SRR: variants seen among roughly 807,000 people sequenced by gnomAD.
The protein encoded by SRR is serine racemase, also known as D-serine ammonia-lyase.
Under a neutral mutation model 32.7 loss-of-function variants are expected in SRR, and 19 were observed. The observed-to-expected ratio is 0.58, with a 90% CI of 0.40 to 0.85. The LOEUF is 0.85. Among genes scored for constraint, SRR ranks in the 40% least tolerant of loss-of-function variants. The pLI is 0.00. For missense variants in SRR, 373 were observed against 404.7 expected (o/e 0.92, Z 0.67); for synonymous variants, 142 against 140.9 (o/e 1.01, Z -0.06).
intron 1 of SRR, among the ~76,000 whole-genome samples, chr17:2,313,187 T>G (rs1438085444): frequency 6.6e-6 from 1 of 152,100 alleles, no homozygotes; most frequent in Non-Finnish European, 1.5e-5. Flanking sequence ...CCCAGCACTT[T>G]GGGAGGCTGA....
rs765987632 is a variant in SRR at position 2,311,191 on chromosome 17, C to T, written c.-4-4366C>T. On this transcript the variant is annotated intron_variant, in intron 1 of 7. Transcript: ENST00000344595. The stretch of plus-strand genomic sequence containing the variant: ...GGCAAGAGCCACCACGCCCAGCCAA[C>T]TATTTTTTGTTCTCTTGTTTTTTTG... 8.9e-4 allele frequency among the ~76,000 whole-genome samples: 135 copies of T among 152,114 alleles called. 1 individual carries two copies. The highest frequency in any genetic ancestry group is 5.7e-4 in the Non-Finnish European group (39 of 67,982).
At chr17:2,311,343 T>C (rs566263885) in intron 1 of SRR, among the ~76,000 whole-genome samples, 12 of 151,936 alleles carry the variant, frequency 7.9e-5, no homozygotes, top group Non-Finnish European at 1.8e-4. Flanking sequence ...TTAAAAAATA[T>C]TGAGTTTTCG....
chr17:2,310,027 TG>T (rs2075422375), intron 1 of SRR: 3 of 152,204 alleles, frequency 2.0e-5, no homozygotes, highest in Admixed American at 2.0e-4. Flanking sequence ...GTCAAATCTC[TG>T]GTTCCAGTAG....
chr17:2,323,541 G>T (rs1212108910), intron 7 of SRR, 114 bp from the exon 8 acceptor site: 1 of 1,236,046 alleles, frequency 8.1e-7, no homozygotes. Context: ...TTTGGGAAGC[G>T]TGTGTACACA....
At chr17:2,314,111 G>A (rs977384080) in intron 1 of SRR, among the ~76,000 whole-genome samples, 4 of 152,152 alleles carry the variant, frequency 2.6e-5, no homozygotes, top group Non-Finnish European at 5.9e-5. Context: ...TCAAATGTAG[G>A]AGCAAATAAA....
At position 2,317,206 on chromosome 17, in the gene SRR, G is replaced by GA. The variant is rs1567777254; in HGVS notation, c.169-664_169-663insA. 2.4e-3 allele frequency among the ~76,000 whole-genome samples: 271 copies of GA among 111,804 alleles called. 1 individual carries two copies. Among genetic ancestry groups the GA allele is most frequent in the African/African-American group, 7.0e-3 (194 of 27,734 alleles). 73.3% of individuals were successfully genotyped at this position (111,804 alleles called of 152,430 possible). The stretch of plus-strand genomic sequence containing the variant: ...TGATAGAGGAAGACTCCATCTCGGG[G>GA]GAAAAAAAAAAAAAAAAAAAAAAGG... On this transcript the variant is annotated intron_variant, in intron 2 of 7. Transcript: ENST00000344595.
At chr17:2,308,845 G>T (rs2075413359) in intron 1 of SRR, among the ~76,000 whole-genome samples, 1 of 151,830 alleles carries the variant, frequency 6.6e-6, no homozygotes, top group African/African-American at 2.4e-5. Flanking sequence ...TTGGCCGGGT[G>T]TGGTGGCTCA....
Position 2,324,469 on chromosome 17 carries a change from A to C in SRR, c.*596A>C. 1 of 1,614,038 alleles carries C rather than the reference A, an allele frequency of 6.2e-7. No individual in the cohort carries two copies. ...ACAGTCATTTAGCAACACTGCAGAA[A>C]TGCAGACATGGTCTCAAATCCCGTG... On this transcript the variant is annotated 3_prime_UTR_variant, in exon 8 of 8. Transcript: ENST00000344595.
chr17:2,320,251 CTTTTTTTTTTTTTTT>C (rs35025479), intron 4 of SRR, among the ~76,000 whole-genome samples: 3 of 76,740 alleles, frequency 3.9e-5, no homozygotes, highest in African/African-American at 1.1e-4. Flanking sequence ...CATCTCTCAT[CTTTTTTTTTTTTTTT>C]TTTTTTTTTT....
At chr17:2,318,952 C>T (rs2151435062) in intron 4 of SRR, 23 bp downstream of exon 4, 5 of 1,511,108 alleles carry the variant, frequency 3.3e-6, no homozygotes, top group Non-Finnish European at 4.6e-6. Context: ...GTGCTTGGTA[C>T]CACCTTAACA....
intron 1 of SRR, among the ~76,000 whole-genome samples, chr17:2,304,617 G>A (rs986922180): frequency 1.5e-4 from 22 of 151,718 alleles, no homozygotes; most frequent in Admixed American, 8.5e-4. Context: ...AGGCATATAA[G>A]TCCATTTGGG....
intron 1 of SRR, among the ~76,000 whole-genome samples, chr17:2,314,566 G>A (rs2075456493): frequency 7.5e-6 from 1 of 133,816 alleles, no homozygotes; most frequent in African/African-American, 2.9e-5. Flanking sequence ...CTGGGTGACA[G>A]AGCGAGACTC....
chr17:2,310,208 C>T (rs2075423609), intron 1 of SRR, among the ~76,000 whole-genome samples: 1 of 152,102 alleles, frequency 6.6e-6, no homozygotes, highest in African/African-American at 2.4e-5. Flanking sequence ...CAAAATATAT[C>T]TTATTTTTGA....
intron 1 of SRR, among the ~76,000 whole-genome samples, chr17:2,314,919 A>G (rs1043969496): frequency 1.3e-5 from 2 of 151,812 alleles, no homozygotes; most frequent in African/African-American, 2.4e-5. Context: ...ATTGAATCCA[A>G]TTCATTCAAG....
Position 2,324,759 on chromosome 17 carries a change from A to C in SRR, c.*886A>C, listed in dbSNP as rs1055112187. ...TTTTGAAAGGATGACCACTCAGAAC[A>C]ACTCTCTTGATGACCATTCTGTCTG... On this transcript the variant is annotated 3_prime_UTR_variant, in exon 8 of 8. Coordinates refer to ENST00000344595, the MANE Select transcript of SRR (RefSeq NM_021947.3). 6.2e-7 allele frequency: 1 copy of C among 1,614,128 alleles called. No individual in the cohort carries two copies. The highest frequency in any genetic ancestry group is 1.3e-5 in the African/African-American group (1 of 74,956).
chr17:2,315,819 G>C (rs2075468730), intron 2 of SRR, 91 bp downstream of exon 2: 5 of 1,265,636 alleles, frequency 4.0e-6, no homozygotes, highest in African/African-American at 1.5e-5. Flanking sequence ...GAGATAGGCA[G>C]AAGTAAATTA....
At chr17:2,310,854 C>T (rs1306057590) in intron 1 of SRR, among the ~76,000 whole-genome samples, 1 of 152,082 alleles carries the variant, frequency 6.6e-6, no homozygotes, top group Non-Finnish European at 1.5e-5. Context: ...TCATGCCATT[C>T]TCCTGCCTCA....
chr17:2,307,417 G>A, intron 1 of SRR: 3 of 1,257,250 alleles, frequency 2.4e-6, no homozygotes. Context: ...TGGTTGTGAA[G>A]GAAATTTCAG....
intron 4 of SRR, among the ~76,000 whole-genome samples, chr17:2,321,063 T>C (rs967720064): frequency 1.3e-5 from 2 of 152,234 alleles, no homozygotes; most frequent in Non-Finnish European, 2.9e-5. Context: ...GGCTACCCTA[T>C]ATGAAATAAA....
Sources: gnomAD v4.1 joint callset for allele counts (sites outside exome capture counted in the v4.1 genomes callset) on GRCh38, gnomAD v4.1.1 for gene constraint, MANE v1.5 for transcripts, NCBI Gene and HGNC (gene_info 2026-07-23, HGNC 2026-07-21) for gene names.